The following PER3 variants were observed in gnomAD, a reference collection of about 807,000 sequenced individuals.
The protein encoded by PER3 is period circadian regulator 3.
In PER3, 107 loss-of-function variants were observed where a neutral mutation model predicts 127.2. That is an observed-to-expected ratio of 0.84 (90% CI 0.72 to 0.99). The LOEUF (loss-of-function observed/expected upper bound fraction) is 0.99. Among genes scored for constraint, PER3 ranks in the 50% least tolerant of loss-of-function variants. The pLI, the probability that PER3 is intolerant of heterozygous loss-of-function variation, is 0.00. For synonymous variants in PER3, 618 were observed against 585.8 expected (o/e 1.05, Z -0.79); for missense variants, 1,560 against 1,525.8 (o/e 1.02, Z -0.37).
chr1:7,809,909 T>TG lies in PER3; in HGVS notation c.1260dup (p.Ser421ValfsTer24), dbSNP rs2097211724. Reference sequence around the variant, plus strand: ...TCCTTCCAGCCAGTTCACGTGAGCGTGTCCAGCGGCTACGGGAGCCTGGGG... The same window carrying TG: ...TCCTTCCAGCCAGTTCACGTGAGCGTGGTCCAGCGGCTACGGGAGCCTGGGG... On this transcript the variant is annotated frameshift_variant, in exon 12 of 22. Coordinates refer to ENST00000377532, the MANE Select transcript of PER3 (RefSeq NM_001377275.1). LOFTEE classifies it high-confidence loss of function. 6.2e-7 allele frequency: 1 copy of TG among 1,614,030 alleles called. No homozygotes were observed.
rs978499318 is a variant in PER3, at chr1:7,793,890, G to A, written c.593-67G>A. On this transcript the variant is annotated intron_variant, in intron 5 of 21. Coordinates refer to ENST00000377532, the MANE Select transcript of PER3 (RefSeq NM_001377275.1). ...AAATAGTTTGTTGTTTGATAATGGTGCAACATTGTTTCACTGAGAAAGACC... is the reference window on the plus strand; with the variant it reads ...AAATAGTTTGTTGTTTGATAATGGTACAACATTGTTTCACTGAGAAAGACC... 4 of 1,293,524 alleles carry A rather than the reference G, an allele frequency of 3.1e-6. No homozygotes were observed. The African/African-American group carries it at 4.4e-5, about 14-fold the overall frequency. 80.1% of individuals were successfully genotyped at this position (1,293,524 alleles called of 1,614,324 possible).
chr1:7,842,850 C>A lies in PER3; in HGVS notation c.*95C>A. 1.0e-6 allele frequency: 1 copy of A among 973,108 alleles called. No individual in the cohort carries two copies. Among genetic ancestry groups the A allele is most frequent in the Non-Finnish European group, 1.5e-6 (1 of 672,872 alleles). The allele number at this position is 973,108 out of a possible 1,614,324, so 60.3% of individuals were successfully genotyped here. A position where few individuals can be genotyped will look rare whatever the true frequency, so the allele number is the denominator to read the frequency against. On this transcript the variant is annotated 3_prime_UTR_variant, in exon 22 of 22. Coordinates refer to ENST00000377532, the MANE Select transcript of PER3 (RefSeq NM_001377275.1). Reference sequence around the variant, plus strand: ...GACTTTTAAATGACCATGAAGTTATCATTGAATGTTAAGATTTTTTCTTCT... The same window carrying A: ...GACTTTTAAATGACCATGAAGTTATAATTGAATGTTAAGATTTTTTCTTCT...
chr1:7,791,773 C>T (rs2097122596), intron 5 of PER3, among the ~76,000 whole-genome samples: 1 of 152,222 alleles, frequency 6.6e-6, no homozygotes, highest in Non-Finnish European at 1.5e-5. Context: ...TTCCACAGAT[C>T]TCTAGGCCAG....
Position 7,827,407 on chromosome 1 carries a change from A to G in PER3, c.2478A>G (p.Gly826=), listed in dbSNP as rs2097306987. 6.2e-7 allele frequency: 1 copy of G among 1,614,142 alleles called. No individual in the cohort carries two copies. The highest frequency in any genetic ancestry group is 1.1e-5 in the South Asian group (1 of 91,082). The change falls in exon 18 of 22, where the codon GGA becomes GGG. Residue 826 remains glycine (G), a synonymous_variant. Transcript: ENST00000377532. ...TSPGREYAAP[G]TAPEGLHGLP... ...CCGGAAGAGAATACGCAGCCCCCGG[A>G]ACTGCACCGGAAGGCCTGCATGGGC...
At chr1:7,837,303 C>G (rs2097363160) in intron 21 of PER3, among the ~76,000 whole-genome samples, 154 bp downstream of exon 21, 1 of 152,182 alleles carries the variant, frequency 6.6e-6, no homozygotes, top group Admixed American at 6.5e-5. Flanking sequence ...TACCAATAAG[C>G]AACAAGCAGG....
chr1:7,794,603 A>G (rs982531004), intron 6 of PER3, among the ~76,000 whole-genome samples: 15 of 152,322 alleles, frequency 9.8e-5, no homozygotes, highest in Admixed American at 5.2e-4. Context: ...TAAAATGACC[A>G]TTGTTTTGGG....
Position 7,798,478 on chromosome 1 carries a change from C to T in PER3, c.645-47C>T, listed in dbSNP as rs1221132299. On this transcript the variant is annotated intron_variant, in intron 6 of 21. Coordinates refer to ENST00000377532, the MANE Select transcript of PER3 (RefSeq NM_001377275.1). The stretch of plus-strand genomic sequence containing the variant: ...TCTCCCAGCCTTGTTTCGCCATGGG[C>T]CAGTAGGGTGCGTCAGGACCAGCAC... 2.1e-5 allele frequency: 32 copies of T among 1,522,988 alleles called. No individual in the cohort carries two copies. In the Admixed American group the frequency reaches 2.9e-4, roughly 14 times the overall value. 94.3% of individuals were successfully genotyped at this position (1,522,988 alleles called of 1,614,324 possible). A position where few individuals can be genotyped will look rare whatever the true frequency, so the allele number is the denominator to read the frequency against.
intron 10 of PER3, among the ~76,000 whole-genome samples, chr1:7,807,142 C>A (rs1359750684): frequency 6.6e-6 from 1 of 152,072 alleles, no homozygotes; most frequent in African/African-American, 2.4e-5. Flanking sequence ...AAATACCTCA[C>A]CCCGTGGCAC....
chr1:7,826,568 C>T lies in PER3; in HGVS notation c.2046C>T (p.Leu682=). 6.2e-7 allele frequency: 1 copy of T among 1,613,400 alleles called. No individual in the cohort carries two copies. Among genetic ancestry groups the T allele is most frequent in the Non-Finnish European group, 8.5e-7 (1 of 1,179,336 alleles). ...LTSEEFKHVG[L]TAAVLSAHTQ... ...CGGAAGAATTTAAACACGTGGGGCT[C>T]ACAGCGGCTGTTCTGTCAGCGCACA... is the stretch of plus-strand genomic sequence containing the variant. The change falls in exon 17 of 22, where the codon CTC becomes CTT. Residue 682 remains leucine, a synonymous_variant. Coordinates refer to ENST00000377532, the MANE Select transcript of PER3 (RefSeq NM_001377275.1). This position sits in a 1 kb window ranked among gnomAD's most constrained non-coding sequence, Gnocchi z 4.2.
intron 13 of PER3, among the ~76,000 whole-genome samples, chr1:7,816,388 C>T (rs2097251638): frequency 6.6e-6 from 1 of 152,130 alleles, no homozygotes; most frequent in African/African-American, 2.4e-5. Context: ...GGCCATACCA[C>T]CCTGAACGTA....
chr1:7,805,529 T>A (rs942805326), intron 10 of PER3, among the ~76,000 whole-genome samples: 5 of 152,154 alleles, frequency 3.3e-5, no homozygotes, highest in Non-Finnish European at 7.3e-5. Context: ...CCCTAACTCA[T>A]GAGACTGATT....
Position 7,820,594 on chromosome 1 carries a change from A to T in PER3, c.1911A>T (p.Gln637His). Residue 637 changes from glutamine to histidine, a missense_variant, in exon 16 of 22, where the codon CAA (glutamine) becomes CAT (histidine). Gln to His is a conservative substitution (Grantham distance 24). This residue lies in a region of PER3 where 1,332 missense variants were observed against 1,223.6 expected (regional missense o/e 1.09). Coordinates refer to ENST00000377532, the MANE Select transcript of PER3 (RefSeq NM_001377275.1). ...AMLSLGSGIS[Q>H]CGYSSTIVHV... is the part of the protein sequence containing the mutation. ...TGAGCTTGGGGTCGGGCATAAGCCAATGCGGTTACAGCAGCACCATTGTCC... is the reference window on the plus strand; with the variant it reads ...TGAGCTTGGGGTCGGGCATAAGCCATTGCGGTTACAGCAGCACCATTGTCC... 1.2e-6 allele frequency: 2 copies of T among 1,614,206 alleles called. No homozygotes were observed. Among genetic ancestry groups the T allele is most frequent in the East Asian group, 2.2e-5 (1 of 44,888 alleles).
At chr1:7,804,304 T>C (rs2097183380) in intron 10 of PER3, among the ~76,000 whole-genome samples, 1 of 147,408 alleles carries the variant, frequency 6.8e-6, no homozygotes, top group South Asian at 2.1e-4. Context: ...CAAGTGTTTC[T>C]TTCTTTCTTT....
intron 12 of PER3, 168 bp downstream of exon 12, chr1:7,810,189 T>A (rs1211525195): frequency 1.4e-6 from 1 of 718,862 alleles, no homozygotes; most frequent in African/African-American, 1.8e-5. Flanking sequence ...AAAGAAAATA[T>A]CACCTTTGGA....
chr1:7,842,952 T>A lies in PER3; in HGVS notation c.*197T>A. The A allele has an allele frequency of 2.7e-6, 1 of 369,786 alleles. No individual in the cohort carries two copies. The highest frequency in any genetic ancestry group is 4.9e-6 in the Non-Finnish European group (1 of 204,192). The allele number at this position is 369,786 out of a possible 1,614,324, so 22.9% of individuals were successfully genotyped here. A position where few individuals can be genotyped will look rare whatever the true frequency, so the allele number is the denominator to read the frequency against. On this transcript the variant is annotated 3_prime_UTR_variant, in exon 22 of 22. Coordinates refer to ENST00000377532, the MANE Select transcript of PER3 (RefSeq NM_001377275.1). Reference sequence around the variant, plus strand: ...TTACTTCTCTTTGTTCCTGATATATTAAAATGGCCAGTTAGGCTCTTTTTG... The same window carrying A: ...TTACTTCTCTTTGTTCCTGATATATAAAAATGGCCAGTTAGGCTCTTTTTG...
intron 16 of PER3, among the ~76,000 whole-genome samples, chr1:7,825,314 T>A (rs2097296462): frequency 6.6e-6 from 1 of 152,138 alleles, no homozygotes; most frequent in Non-Finnish European, 1.5e-5. Flanking sequence ...TCTATATCAA[T>A]AAAAGAAATT....
intron 9 of PER3, among the ~76,000 whole-genome samples, chr1:7,803,388 A>T (rs2097179083): frequency 6.8e-6 from 1 of 148,042 alleles, no homozygotes; most frequent in Non-Finnish European, 1.5e-5. Context: ...CAGGAGTTGG[A>T]GACCAGCCTG....
intron 16 of PER3, among the ~76,000 whole-genome samples, chr1:7,825,330 G>A (rs1300598839): frequency 2.0e-5 from 3 of 152,118 alleles, no homozygotes; most frequent in Non-Finnish European, 4.4e-5. Flanking sequence ...AAATTTTAAT[G>A]TACAACTATT....
In PER3 at chr1:7,793,953, C is replaced by T; in HGVS notation, c.593-4C>T. The T allele has an allele frequency of 6.2e-7, 1 of 1,613,282 alleles. No homozygotes were observed. Among genetic ancestry groups the T allele is most frequent in the Non-Finnish European group, 8.5e-7 (1 of 1,179,190 alleles). ...AGTGACTGACCAGGCATCTTTCTTT[C>T]TAGCAGCTGCACGGTATGAATGTGC... On this transcript the variant is annotated splice_region_variant and splice_polypyrimidine_tract_variant and intron_variant, in intron 5 of 21. Coordinates refer to ENST00000377532, the MANE Select transcript of PER3 (RefSeq NM_001377275.1).
Sources: gnomAD v4.1 joint callset for allele counts (sites outside exome capture counted in the v4.1 genomes callset) on GRCh38, gnomAD v4.1.1 for gene constraint, gnomAD v4.1.1 regional missense constraint, Gnocchi (gnomAD v3.1) non-coding constraint, MANE v1.5 for transcripts, NCBI Gene and HGNC (gene_info 2026-07-23, HGNC 2026-07-21) for gene names.